VPS53: variants seen among roughly 807,000 people sequenced by gnomAD.
VPS53 encodes vacuolar protein sorting-associated protein 53 homolog.
VPS53 carries 70 observed loss-of-function variants against 107.0 expected under a neutral mutation model. The ratio of observed to expected loss-of-function variants is 0.65; its 90% CI spans 0.54 to 0.80. VPS53 has a LOEUF of 0.80. Ranked by LOEUF, VPS53 falls within the 30% of genes least tolerant of loss-of-function variation. VPS53 has a pLI of 0.00. For synonymous variants in VPS53, 409 were observed against 393.3 expected (o/e 1.04, Z -0.47); for missense variants, 917 against 1,049.4 (o/e 0.87, Z 1.74).
intron 11 of VPS53, among the ~76,000 whole-genome samples, chr17:620,348 G>C (rs772794740): frequency 6.6e-6 from 1 of 152,176 alleles, no homozygotes; most frequent in Non-Finnish European, 1.5e-5. Context: ...CTGGTCTCAT[G>C]GGACAAAGAG....
chr17:553,639 C>T (rs978444121), intron 15 of VPS53, among the ~76,000 whole-genome samples, 177 bp from the exon 16 acceptor site: 4 of 148,954 alleles, frequency 2.7e-5, no homozygotes, highest in East Asian at 3.9e-4. Flanking sequence ...GGTGCGACCT[C>T]GGCTCACTGC....
intron 10 of VPS53, among the ~76,000 whole-genome samples, chr17:625,254 G>T (rs1969651393): frequency 6.6e-6 from 1 of 151,916 alleles, no homozygotes; most frequent in Admixed American, 6.6e-5. Context: ...CTCCTGAAAT[G>T]CTAGGATTAT....
Position 544,021 on chromosome 17 carries a change from G to A in VPS53, c.1867-6845C>T, listed in dbSNP as rs56764164. On this transcript the variant is annotated intron_variant, in intron 17 of 21. Transcript: ENST00000437048. ...AGGGAGGGAGGGAGGGAGTGAGGAA[G>A]GCAGGGAGGGAGGGAGGGAGGAAGG... 7.7e-5 allele frequency among the ~76,000 whole-genome samples: 8 copies of A among 103,766 alleles called. No homozygotes were observed. In the South Asian group the frequency reaches 2.0e-3, roughly 26 times the overall value. The allele number at this position is 103,766 out of a possible 152,430, so 68.1% of individuals were successfully genotyped here.
intron 11 of VPS53, among the ~76,000 whole-genome samples, chr17:609,635 T>C (rs1282323889): frequency 6.6e-6 from 1 of 152,206 alleles, no homozygotes; most frequent in African/African-American, 2.4e-5. Context: ...TTTTAAATCT[T>C]AACTGCATTT....
chr17:585,786 T>A (rs545574445), intron 13 of VPS53, among the ~76,000 whole-genome samples: 1 of 152,204 alleles, frequency 6.6e-6, no homozygotes, highest in Non-Finnish European at 1.5e-5. Context: ...AGTATTACCT[T>A]CTCGATTTTG....
Position 513,236 on chromosome 17 carries a change from G to C in VPS53, c.*5892C>G, listed in dbSNP as rs902172537. 3 of 152,206 alleles carry C rather than the reference G, an allele frequency of 2.0e-5. No homozygotes were observed. The highest frequency in any genetic ancestry group is 7.2e-5 in the African/African-American group (3 of 41,436). The allele number at this position is 152,206 out of a possible 1,614,324, so 9.4% of individuals were successfully genotyped here. A position where few individuals can be genotyped will look rare whatever the true frequency, so the allele number is the denominator to read the frequency against. ...ATTCTAGCAAATGACATCCAGTAAT[G>C]CTTTAATTAACTGCAGTATTTTGTG... On this transcript the variant is annotated 3_prime_UTR_variant, in exon 22 of 22. Transcript: ENST00000437048.
intron 2 of VPS53, 102 bp downstream of exon 2, chr17:710,431 G>A: frequency 1.2e-6 from 1 of 851,644 alleles, no homozygotes; most frequent in Non-Finnish European, 2.0e-6. Context: ...ACTCTCCCTT[G>A]TGTATCAAGG....
intron 12 of VPS53, among the ~76,000 whole-genome samples, chr17:591,170 G>A (rs1454791714): frequency 6.6e-6 from 1 of 152,206 alleles, no homozygotes; most frequent in Non-Finnish European, 1.5e-5. Context: ...TTGCATAGAG[G>A]TGTTTGTAGT....
intron 18 of VPS53, among the ~76,000 whole-genome samples, chr17:535,106 GA>G (rs1909931206): frequency 6.6e-6 from 1 of 152,180 alleles, no homozygotes; most frequent in Non-Finnish European, 1.5e-5. Context: ...CTTGACCAGG[GA>G]AGGGTCTCCT....
chr17:606,485 G>A (rs569231852), intron 11 of VPS53, among the ~76,000 whole-genome samples: 1 of 152,078 alleles, frequency 6.6e-6, no homozygotes, highest in African/African-American at 2.4e-5. Flanking sequence ...GCTGCCATGA[G>A]GATGGGATGA....
chr17:541,404 C>T (rs1054296752), intron 17 of VPS53, among the ~76,000 whole-genome samples: 39 of 151,722 alleles, frequency 2.6e-4, no homozygotes, highest in African/African-American at 7.8e-4. Flanking sequence ...GCACCTACTA[C>T]GCACTGAAGG....
chr17:533,847 T>C (rs973604968), intron 18 of VPS53, among the ~76,000 whole-genome samples: 5 of 152,006 alleles, frequency 3.3e-5, no homozygotes, highest in Non-Finnish European at 5.9e-5. Context: ...CATAAACTTT[T>C]TTTTTTTTTT....
chr17:546,004 A>G (rs1349836756), intron 17 of VPS53, among the ~76,000 whole-genome samples: 1 of 152,214 alleles, frequency 6.6e-6, no homozygotes, highest in Non-Finnish European at 1.5e-5. Context: ...CTGAGGGTGG[A>G]CATACAGATA....
chr17:546,741 C>T (rs1008801550), intron 17 of VPS53, among the ~76,000 whole-genome samples: 7 of 152,102 alleles, frequency 4.6e-5, no homozygotes, highest in Non-Finnish European at 1.0e-4. Context: ...AAACTGGATT[C>T]CTTACACTTT....
At chr17:702,467 G>A (rs1261130607) in intron 2 of VPS53, among the ~76,000 whole-genome samples, 1 of 151,972 alleles carries the variant, frequency 6.6e-6, no homozygotes, top group East Asian at 1.9e-4. Context: ...TTCGAGACCA[G>A]CCAGGCCAAT....
chr17:671,638 C>T (rs1227781303), intron 4 of VPS53, among the ~76,000 whole-genome samples: 1 of 152,102 alleles, frequency 6.6e-6, no homozygotes, highest in Non-Finnish European at 1.5e-5. Flanking sequence ...ATCTTCCTTT[C>T]ACCGTGTTTC....
At chr17:657,413 G>T in intron 5 of VPS53, 1 of 844,850 alleles carries the variant, frequency 1.2e-6, no homozygotes, top group Non-Finnish European at 2.0e-6. Flanking sequence ...TTAGGAAAAT[G>T]ATGAGGGGAA....
intron 4 of VPS53, among the ~76,000 whole-genome samples, chr17:676,758 A>G (rs1972176971): frequency 6.6e-6 from 1 of 152,198 alleles, no homozygotes; most frequent in Admixed American, 6.5e-5. Context: ...CATGTTGCAG[A>G]AAAGCGGGAC....
intron 13 of VPS53, among the ~76,000 whole-genome samples, chr17:564,330 G>C (rs1422158500): frequency 8.2e-6 from 1 of 122,690 alleles, no homozygotes; most frequent in Non-Finnish European, 1.7e-5. Context: ...CACAAGGTCA[G>C]GAGATCAAGA....
Sources: gnomAD v4.1 joint callset for allele counts (sites outside exome capture counted in the v4.1 genomes callset) on GRCh38, gnomAD v4.1.1 for gene constraint, MANE v1.5 for transcripts, NCBI Gene and HGNC (gene_info 2026-07-23, HGNC 2026-07-21) for gene names.